DGKI: variants seen among roughly 807,000 people sequenced by gnomAD.
DGKI encodes the protein diacylglycerol kinase iota.
In DGKI, 55 loss-of-function variants were observed where a neutral mutation model predicts 147.5. The observed-to-expected ratio is 0.37, with a 90% confidence interval of 0.30 to 0.47. The LOEUF (loss-of-function observed/expected upper bound fraction) is 0.47, where lower values mean the gene tolerates loss of function less well. Among genes scored for constraint, DGKI ranks in the 20% least tolerant of loss-of-function variants. The pLI, the probability that DGKI is intolerant of heterozygous loss-of-function variation, is 1.00. For synonymous variants in DGKI, 469 were observed against 477.1 expected (o/e 0.98, Z 0.22); for missense variants, 1,007 against 1,323.8 (o/e 0.76, Z 3.71).
At chr7:137,458,887 T>C (rs555522653) in intron 27 of DGKI, among the ~76,000 whole-genome samples, 1 of 152,034 alleles carries the variant, frequency 6.6e-6, no homozygotes, top group Non-Finnish European at 1.5e-5. Flanking sequence ...TGAAAAAAAA[T>C]TTTTTTAACT....
At chr7:137,708,420 A>C (rs905490638) in intron 1 of DGKI, among the ~76,000 whole-genome samples, 3 of 152,216 alleles carry the variant, frequency 2.0e-5, no homozygotes, top group South Asian at 4.1e-4. Flanking sequence ...TTCTGATCTC[A>C]GTCCTCCCAG....
intron 1 of DGKI, among the ~76,000 whole-genome samples, chr7:137,772,383 C>T (rs562312937): frequency 5.2e-4 from 79 of 152,144 alleles, no homozygotes; most frequent in African/African-American, 1.9e-3. Flanking sequence ...CGTGATTCAC[C>T]CTGGAGCCCT....
At chr7:137,570,586 T>C (rs1818758284) in intron 19 of DGKI, among the ~76,000 whole-genome samples, 1 of 147,940 alleles carries the variant, frequency 6.8e-6, no homozygotes, top group Non-Finnish European at 1.5e-5. Flanking sequence ...GATGTTTCTA[T>C]AGTGTAATTT....
At chr7:137,417,980 A>G (rs1812421546) in intron 28 of DGKI, among the ~76,000 whole-genome samples, 1 of 152,170 alleles carries the variant, frequency 6.6e-6, no homozygotes, top group South Asian at 2.1e-4. Flanking sequence ...AGTCTAAGAT[A>G]TTTTGTCCTA....
chr7:137,700,160 G>T (rs1823927397), intron 1 of DGKI, among the ~76,000 whole-genome samples: 1 of 152,106 alleles, frequency 6.6e-6, no homozygotes, highest in African/African-American at 2.4e-5. Flanking sequence ...ACACTGCCAG[G>T]GTGTATCAGT....
intron 1 of DGKI, among the ~76,000 whole-genome samples, chr7:137,735,992 C>T (rs933133641): frequency 9.9e-5 from 15 of 152,194 alleles, no homozygotes; most frequent in Middle Eastern, 3.4e-3. Context: ...CTGAAAATGA[C>T]AGTAGGACCA....
chr7:137,513,832 C>T (rs1421098444), intron 21 of DGKI: 20 of 687,370 alleles, frequency 2.9e-5, no homozygotes, highest in Middle Eastern at 3.5e-4. Context: ...TCGGCCTTAG[C>T]GCCATTTTTT....
chr7:137,743,204 A>G (rs1191852101), intron 1 of DGKI, among the ~76,000 whole-genome samples: 2 of 152,226 alleles, frequency 1.3e-5, no homozygotes, highest in Non-Finnish European at 2.9e-5. Flanking sequence ...ACACATTGAC[A>G]GTATTAGACA....
intron 1 of DGKI, among the ~76,000 whole-genome samples, chr7:137,717,244 G>A (rs980376929): frequency 9.9e-5 from 15 of 152,176 alleles, no homozygotes; most frequent in Non-Finnish European, 2.2e-4. Context: ...GGTGGGATGT[G>A]GGAGGGCCCA....
At chr7:137,830,814 AACATGAAGACAGC>A (rs1184870610) in intron 1 of DGKI, among the ~76,000 whole-genome samples, 1 of 152,228 alleles carries the variant, frequency 6.6e-6, no homozygotes, top group Non-Finnish European at 1.5e-5. Context: ...TTTCAGACTC[AACATGAAGACAGC>A]AGAATGTAAT....
At chr7:137,571,766 T>A (rs546526601) in intron 18 of DGKI, among the ~76,000 whole-genome samples, 1 of 150,700 alleles carries the variant, frequency 6.6e-6, no homozygotes, top group East Asian at 2.0e-4. Flanking sequence ...GAAATATAGA[T>A]AAGAGATTAG....
chr7:137,718,993 T>C (rs955430623), intron 1 of DGKI, among the ~76,000 whole-genome samples: 4 of 152,156 alleles, frequency 2.6e-5, no homozygotes, highest in African/African-American at 9.7e-5. Flanking sequence ...AGGATCTAGG[T>C]CTTGGCACAT....
At position 137,680,869 on chromosome 7, in the gene DGKI, G is replaced by A. The variant is rs563532585; in HGVS notation, c.511-2217C>T. Among the ~76,000 whole-genome samples, 3 of 152,192 alleles carry A rather than the reference G, an allele frequency of 2.0e-5. No individual in the cohort carries two copies. In the South Asian group the frequency reaches 6.2e-4, roughly 32 times the overall value. ...GTGTCACCCATCTTTTAAAATAAAC[G>A]TATTTCTTCAGATTCAGATAGAACA... is the stretch of plus-strand genomic sequence containing the variant. On this transcript the variant is annotated intron_variant, in intron 2 of 32. Transcript: ENST00000614521.
At chr7:137,449,404 A>T (rs1813862232) in intron 27 of DGKI, among the ~76,000 whole-genome samples, 1 of 152,252 alleles carries the variant, frequency 6.6e-6, no homozygotes, top group Non-Finnish European at 1.5e-5. Flanking sequence ...AGTCTTTTCA[A>T]TAAATAGTGT....
At chr7:137,474,949 G>A (rs772101114) in intron 23 of DGKI, among the ~76,000 whole-genome samples, 83 of 152,130 alleles carry the variant, frequency 5.5e-4, no homozygotes, top group African/African-American at 1.9e-3. Context: ...TATCATAAAG[G>A]GTTCTTTTGA....
At chr7:137,668,596 A>G (rs146917278) in intron 3 of DGKI, among the ~76,000 whole-genome samples, 1 of 152,350 alleles carries the variant, frequency 6.6e-6, no homozygotes, top group African/African-American at 2.4e-5. Context: ...TGGGGAATAC[A>G]GGAGAGGACA....
chr7:137,838,868 T>C (rs1041658678), intron 1 of DGKI, among the ~76,000 whole-genome samples: 2 of 152,252 alleles, frequency 1.3e-5, no homozygotes, highest in Non-Finnish European at 1.5e-5. Context: ...CCAGGGCAGG[T>C]AGCATCTGCG....
chr7:137,533,959 G>C (rs1212092390), intron 20 of DGKI, among the ~76,000 whole-genome samples: 3 of 152,068 alleles, frequency 2.0e-5, no homozygotes, highest in African/African-American at 7.2e-5. Flanking sequence ...ATTAAATGTA[G>C]CATCAACGAG....
intron 6 of DGKI, among the ~76,000 whole-genome samples, chr7:137,643,899 A>G (rs967899006): frequency 6.6e-6 from 1 of 152,130 alleles, no homozygotes; most frequent in Admixed American, 6.5e-5. Context: ...TCCAGTGAAG[A>G]TATTTTTCCA....
Sources: gnomAD v4.1 joint callset for allele counts (sites outside exome capture counted in the v4.1 genomes callset) on GRCh38, gnomAD v4.1.1 for gene constraint, MANE v1.5 for transcripts, NCBI Gene and HGNC (gene_info 2026-07-23, HGNC 2026-07-21) for gene names.